RPS6KC1: variants seen among roughly 807,000 people sequenced by gnomAD.
RPS6KC1 encodes the protein ribosomal protein S6 kinase C1, also known as inactive ribosomal protein S6 kinase delta-1.
In RPS6KC1, 54 loss-of-function variants were observed where a neutral mutation model predicts 103.8. The observed-to-expected ratio is 0.52, with a 90% CI of 0.42 to 0.65. RPS6KC1 has a LOEUF of 0.65. Ranked by LOEUF, RPS6KC1 falls within the 30% of genes least tolerant of loss-of-function variation. RPS6KC1 has a pLI of 0.00. For synonymous variants in RPS6KC1, 439 were observed against 438.7 expected, an observed-to-expected ratio of 1.00 and a Z score of -0.01; for missense variants, 1,151 against 1,253.8, an observed-to-expected ratio of 0.92 and a Z score of 1.24.
At chr1:213,064,768 C>T (rs578244714) in intron 1 of RPS6KC1, among the ~76,000 whole-genome samples, 6 of 149,300 alleles carry the variant, frequency 4.0e-5, no homozygotes, top group Non-Finnish European at 4.4e-5. Flanking sequence ...GGCTCTGCCT[C>T]CTGGGTTCAT....
chr1:213,195,360 A>G (rs974105829), intron 8 of RPS6KC1, among the ~76,000 whole-genome samples: 2 of 152,254 alleles, frequency 1.3e-5, no homozygotes, highest in Admixed American at 6.5e-5. Context: ...AATGGAAGGT[A>G]CGTGGGAATT....
At chr1:213,624,594 C>T in the RPS6KC1 span, among the ~76,000 whole-genome samples, 1 of 152,158 alleles carries the variant, frequency 6.6e-6, no homozygotes, top group South Asian at 2.1e-4. Context: ...TCAGGGATGT[C>T]CAGGCTGGAT....
chr1:213,638,480 T>C, the RPS6KC1 span, among the ~76,000 whole-genome samples: 11 of 152,126 alleles, frequency 7.2e-5, no homozygotes, highest in Non-Finnish European at 7.4e-5. Context: ...CTAAAAGTTA[T>C]ACATTTTAAA....
At chr1:213,384,793 G>C in the RPS6KC1 span, among the ~76,000 whole-genome samples, 1 of 152,200 alleles carries the variant, frequency 6.6e-6, no homozygotes, top group Non-Finnish European at 1.5e-5. Context: ...TTCTCACTCA[G>C]TTCGCACAAC....
At chr1:213,811,453 A>T in the RPS6KC1 span, among the ~76,000 whole-genome samples, 1 of 152,220 alleles carries the variant, frequency 6.6e-6, no homozygotes, top group Non-Finnish European at 1.5e-5. Context: ...CATCAAAATT[A>T]CATGAAAGAA....
the RPS6KC1 span, among the ~76,000 whole-genome samples, chr1:213,406,095 G>T: frequency 2.0e-5 from 3 of 152,214 alleles, no homozygotes; most frequent in African/African-American, 7.2e-5. Context: ...AGTCAGAAAA[G>T]CTGACGCAGA....
At chr1:213,859,180 A>G in the RPS6KC1 span, among the ~76,000 whole-genome samples, 2 of 152,236 alleles carry the variant, frequency 1.3e-5, no homozygotes, top group African/African-American at 4.8e-5. Context: ...TAAAGTTGTA[A>G]GAAAGAGAGA....
the RPS6KC1 span, among the ~76,000 whole-genome samples, chr1:213,499,236 A>G: frequency 2.0e-5 from 3 of 152,192 alleles, no homozygotes; most frequent in Non-Finnish European, 4.4e-5. Context: ...CTAGAGGTAT[A>G]CAACTGGAAT....
the RPS6KC1 span, among the ~76,000 whole-genome samples, chr1:213,295,796 G>T: frequency 1.3e-5 from 2 of 152,098 alleles, no homozygotes; most frequent in Non-Finnish European, 2.9e-5. Context: ...GGCAATGGAG[G>T]AGAGGAAAGA....
chr1:213,601,452 T>C, the RPS6KC1 span, among the ~76,000 whole-genome samples: 1 of 148,142 alleles, frequency 6.8e-6, no homozygotes. Context: ...ATATGTTTAC[T>C]ATATGTAAAT....
chr1:213,592,107 A>G, the RPS6KC1 span, among the ~76,000 whole-genome samples: 1 of 152,346 alleles, frequency 6.6e-6, no homozygotes, highest in East Asian at 1.9e-4. Flanking sequence ...ACTGATTCCC[A>G]TGGTATGAAA....
chr1:213,066,357 A>G lies in RPS6KC1; in HGVS notation c.106-4649A>G, dbSNP rs572871230. The stretch of plus-strand genomic sequence containing the variant: ...GTTTTCACTAAGCTTTAGGCTTGTC[A>G]GGTAATACCTAAGTAGCTTTTGATT... On this transcript the variant is annotated intron_variant, in intron 1 of 14. Transcript: ENST00000366960. Among the ~76,000 whole-genome samples the G allele has an allele frequency of 3.9e-5, 6 of 152,360 alleles. No homozygotes were observed. The East Asian group carries it at 1.2e-3, about 29-fold the overall frequency.
chr1:213,153,767 T>C (rs980916055), intron 6 of RPS6KC1, among the ~76,000 whole-genome samples: 6 of 152,238 alleles, frequency 3.9e-5, no homozygotes, highest in Non-Finnish European at 7.3e-5. Flanking sequence ...AGGTCTGATA[T>C]TGAAATCTGT....
At chr1:213,472,084 G>C in the RPS6KC1 span, among the ~76,000 whole-genome samples, 2 of 152,282 alleles carry the variant, frequency 1.3e-5, no homozygotes, top group East Asian at 3.9e-4. Context: ...TGTTGTTATT[G>C]TTTCAGGGCA....
chr1:213,274,208 C>T lies in RPS6KC1; in HGVS notation c.*1574C>T, dbSNP rs2095098649. On this transcript the variant is annotated 3_prime_UTR_variant, in exon 15 of 15. Coordinates refer to ENST00000366960, the MANE Select transcript of RPS6KC1 (RefSeq NM_012424.6). ...AGTTCAGTCAAAATGACATCACTCC[C>T]TGGAACTAGATTTCAACTCACTAGT... 1 of 152,182 alleles carries T rather than the reference C, an allele frequency of 6.6e-6. No individual in the cohort carries two copies. Among genetic ancestry groups the T allele is most frequent in the Non-Finnish European group, 1.5e-5 (1 of 68,030 alleles). 9.4% of individuals were successfully genotyped at this position (152,182 alleles called of 1,614,324 possible).
chr1:213,312,303 A>G, the RPS6KC1 span, among the ~76,000 whole-genome samples: 151,823 of 152,208 alleles, frequency 1, 75,721 homozygotes, highest in Middle Eastern at 1. Context: ...TCTCAGGGGC[A>G]CTTAGGTGTC....
intron 8 of RPS6KC1, among the ~76,000 whole-genome samples, chr1:213,200,790 C>G (rs932277247): frequency 6.6e-6 from 1 of 152,078 alleles, no homozygotes; most frequent in Non-Finnish European, 1.5e-5. Flanking sequence ...AAAAACAGCC[C>G]CATTGAAAAG....
chr1:213,206,335 T>G (rs79687860), intron 8 of RPS6KC1, among the ~76,000 whole-genome samples: 1,706 of 152,366 alleles, frequency 0.011, 38 homozygotes, highest in African/African-American at 0.037. Context: ...AGTGCCCCAT[T>G]AAATGGCTCT....
At chr1:213,617,152 G>A in the RPS6KC1 span, among the ~76,000 whole-genome samples, 4 of 152,112 alleles carry the variant, frequency 2.6e-5, no homozygotes, top group Non-Finnish European at 5.9e-5. Context: ...CTGCTGTAAA[G>A]TTCACTGTTT....
Sources: gnomAD v4.1 joint callset for allele counts (sites outside exome capture counted in the v4.1 genomes callset) on GRCh38, gnomAD v4.1.1 for gene constraint, MANE v1.5 for transcripts, NCBI Gene and HGNC (gene_info 2026-07-23, HGNC 2026-07-21) for gene names.